GPRC6A: variants seen among roughly 807,000 people sequenced by gnomAD.
GPRC6A encodes G protein-coupled receptor family C group 6 member A.
A neutral mutation model predicts 47.0 loss-of-function variants in GPRC6A; 54 were observed. That is an observed-to-expected ratio of 1.15 (90% CI 0.92 to 1.44). The LOEUF is 1.44. Among genes scored for constraint, GPRC6A ranks in the 40% most tolerant of loss-of-function variants. The probability of loss-of-function intolerance (pLI) is 0.00; values close to 1 mark genes in which losing one functional copy is unlikely to be tolerated. For synonymous variants in GPRC6A, 347 were observed against 377.1 expected (o/e 0.92, Z 0.93); for missense variants, 1,112 against 1,105.5 (o/e 1.01, Z -0.08).
At position 116,793,138 on chromosome 6, in the gene GPRC6A, G is replaced by A; in HGVS notation, c.1785C>T (p.Ile595=). ...EYLNWNDSLA[I]LLLILSLLGI... The stretch of plus-strand genomic sequence containing the variant: ...CCAGTAGGGAGAGAATCAGGAGTAG[G>A]ATGGCCAAGGAGTCATTCCAGTTGA... Residue 595 remains isoleucine, a synonymous_variant, in exon 6 of 6, where the codon ATC becomes ATT. Coordinates refer to ENST00000310357, the MANE Select transcript of GPRC6A (RefSeq NM_148963.4). The A allele has an allele frequency of 6.2e-7, 1 of 1,613,816 alleles. No individual in the cohort carries two copies. Among genetic ancestry groups the A allele is most frequent in the African/African-American group, 1.3e-5 (1 of 75,030 alleles).
At chr6:116,822,824 A>T (rs1396763518) in intron 1 of GPRC6A, among the ~76,000 whole-genome samples, 1 of 151,386 alleles carries the variant, frequency 6.6e-6, no homozygotes, top group Non-Finnish European at 1.5e-5. Context: ...ACTAACCTGT[A>T]CAATGTGCAC....
At chr6:116,799,256 A>G (rs1276269299) in intron 4 of GPRC6A, among the ~76,000 whole-genome samples, 2 of 152,184 alleles carry the variant, frequency 1.3e-5, no homozygotes, top group Non-Finnish European at 2.9e-5. Context: ...ATAAAAATCT[A>G]ATAGTCATCA....
intron 1 of GPRC6A, among the ~76,000 whole-genome samples, chr6:116,820,258 C>T (rs1447841994): frequency 2.0e-5 from 3 of 152,190 alleles, no homozygotes; most frequent in Non-Finnish European, 4.4e-5. Flanking sequence ...GATGGATTCA[C>T]AGCTGAATTC....
At chr6:116,801,310 C>T (rs941041260) in intron 3 of GPRC6A, among the ~76,000 whole-genome samples, 1 of 152,128 alleles carries the variant, frequency 6.6e-6, no homozygotes, top group Admixed American at 6.6e-5. Context: ...ACCTGTCTTG[C>T]TACCTAATTT....
intron 1 of GPRC6A, among the ~76,000 whole-genome samples, chr6:116,823,412 C>T (rs1354851694): frequency 1.3e-5 from 2 of 152,110 alleles, no homozygotes; most frequent in Admixed American, 6.6e-5. Flanking sequence ...TAATAAGTTC[C>T]TCATCTCCAT....
intron 1 of GPRC6A, among the ~76,000 whole-genome samples, chr6:116,817,775 G>T (rs559060994): frequency 7.0e-4 from 107 of 152,004 alleles, no homozygotes; most frequent in African/African-American, 2.5e-3. Flanking sequence ...GGAAGAAAGG[G>T]TATCAGCAAT....
intron 3 of GPRC6A, among the ~76,000 whole-genome samples, chr6:116,804,976 T>C (rs1021126513): frequency 2.6e-5 from 4 of 152,064 alleles, no homozygotes; most frequent in African/African-American, 9.7e-5. Context: ...AAACAGTTTT[T>C]CTGCAGTGCA....
intron 4 of GPRC6A, among the ~76,000 whole-genome samples, chr6:116,796,163 C>T (rs923059347): frequency 3.3e-5 from 5 of 151,566 alleles, no homozygotes; most frequent in Admixed American, 1.3e-4. Flanking sequence ...AGTTTCAATC[C>T]CATGTTGAAT....
intron 3 of GPRC6A, among the ~76,000 whole-genome samples, chr6:116,801,758 C>CGT (rs1772683099): frequency 6.6e-6 from 1 of 152,058 alleles, no homozygotes. Flanking sequence ...AGAATGTCTA[C>CGT]GTGTGTGTAT....
At chr6:116,825,574 A>G (rs1404250475) in intron 1 of GPRC6A, among the ~76,000 whole-genome samples, 1 of 152,050 alleles carries the variant, frequency 6.6e-6, no homozygotes, top group African/African-American at 2.4e-5. Flanking sequence ...GAGAACACAA[A>G]TAAATGGAGA....
chr6:116,799,441 G>T (rs1377445472), intron 4 of GPRC6A, among the ~76,000 whole-genome samples: 1 of 152,168 alleles, frequency 6.6e-6, no homozygotes, highest in Non-Finnish European at 1.5e-5. Flanking sequence ...TACACAGGAA[G>T]AAAATCAAGG....
chr6:116,820,922 C>T (rs201733979), intron 1 of GPRC6A, among the ~76,000 whole-genome samples: 47,470 of 151,554 alleles, frequency 0.31, 7,960 homozygotes, highest in East Asian at 0.52. Context: ...TCAAATTGTC[C>T]CTGTTTGCAG....
intron 2 of GPRC6A, among the ~76,000 whole-genome samples, chr6:116,807,965 ATTTC>A (rs1772907092): frequency 6.6e-6 from 1 of 150,746 alleles, no homozygotes; most frequent in Admixed American, 6.6e-5. Flanking sequence ...CTTGCTCAGT[ATTTC>A]TTTTTCTTTT....
At position 116,806,889 on chromosome 6, in the gene GPRC6A, A is replaced by G. The variant is rs896378479; in HGVS notation, c.816T>C (p.Asn272=). Residue 272 remains asparagine, a synonymous_variant, in exon 3 of 6, where the codon AAT becomes AAC. Coordinates refer to ENST00000310357, the MANE Select transcript of GPRC6A (RefSeq NM_148963.4). The part of the protein sequence containing the change: ...LKKIILEAQV[N]VIVVFLRQFH... ...ATTGCCTCAGAAATACCACAATGAC[A>G]TTAACCTGGGCTTCTAAAATGATTT... 1 of 1,613,698 alleles carries G rather than the reference A, an allele frequency of 6.2e-7. No individual in the cohort carries two copies. Among genetic ancestry groups the G allele is most frequent in the Middle Eastern group, 1.7e-4 (1 of 6,058 alleles).
At chr6:116,793,804 T>G (rs1373869905) in intron 5 of GPRC6A, among the ~76,000 whole-genome samples, 2 of 152,136 alleles carry the variant, frequency 1.3e-5, no homozygotes, top group Non-Finnish European at 2.9e-5. Context: ...ACCCTCAATG[T>G]ATGGGAGTTG....
chr6:116,818,141 G>C (rs999623339), intron 1 of GPRC6A, among the ~76,000 whole-genome samples: 3 of 152,156 alleles, frequency 2.0e-5, no homozygotes, highest in East Asian at 1.9e-4. Flanking sequence ...GAAAGGTTGG[G>C]TTACCCTCAA....
intron 1 of GPRC6A, among the ~76,000 whole-genome samples, chr6:116,819,259 G>A (rs1773365370): frequency 6.7e-6 from 1 of 150,268 alleles, no homozygotes; most frequent in Non-Finnish European, 1.5e-5. Flanking sequence ...ATTAATAATG[G>A]GAGACTTTAA....
chr6:116,795,638 A>G, intron 5 of GPRC6A, 74 bp downstream of exon 5: 14 of 1,270,606 alleles, frequency 1.1e-5, no homozygotes, highest in Non-Finnish European at 1.5e-5. Context: ...AAAACAAACC[A>G]AAATAAAATT....
intron 1 of GPRC6A, among the ~76,000 whole-genome samples, chr6:116,819,093 G>T (rs1773357406): frequency 6.6e-6 from 1 of 152,042 alleles, no homozygotes; most frequent in Non-Finnish European, 1.5e-5. Context: ...AACCAACAAA[G>T]ATCAAAAGAG....
Sources: gnomAD v4.1 joint callset for allele counts (sites outside exome capture counted in the v4.1 genomes callset) on GRCh38, gnomAD v4.1.1 for gene constraint, MANE v1.5 for transcripts, NCBI Gene and HGNC (gene_info 2026-07-23, HGNC 2026-07-21) for gene names.